LYSMD1: variants seen among roughly 807,000 people sequenced by gnomAD.
LYSMD1 encodes the protein LysM domain containing 1.
In LYSMD1, 9 loss-of-function variants were observed where a neutral mutation model predicts 19.3. The observed-to-expected ratio is 0.47, with a 90% CI of 0.28 to 0.81. LYSMD1 has a LOEUF of 0.81. Ranked by LOEUF, LYSMD1 falls within the 40% of genes least tolerant of loss-of-function variation. The pLI is 0.11. For missense variants in LYSMD1, 262 were observed against 279.8 expected (o/e 0.94, Z 0.45); for synonymous variants, 111 against 111.7 (o/e 0.99, Z 0.04).
rs376097254 is a variant in LYSMD1, at chr1:151,160,853, C to A, written c.*29G>T. 1.4e-5 allele frequency: 22 copies of A among 1,595,692 alleles called. No individual in the cohort carries two copies. In the African/African-American group the frequency reaches 2.7e-4, roughly 19 times the overall value. ...CCCCCTGAAGTTTCTCTTTCAACAT[C>A]TTGCTTCTCTCAGTCAGTTCTGGGG... On this transcript the variant is annotated 3_prime_UTR_variant, in exon 3 of 3. Transcript: ENST00000368908.
chr1:151,160,132 G>A lies in LYSMD1; in HGVS notation c.*750C>T, dbSNP rs983295994. ...CAGAAGGGTGAACTGGTAGAATGGAGAGTTCAGGTCCCTACAGTGCTGCTT... is the reference window on the plus strand; with the variant it reads ...CAGAAGGGTGAACTGGTAGAATGGAAAGTTCAGGTCCCTACAGTGCTGCTT... On this transcript the variant is annotated 3_prime_UTR_variant, in exon 3 of 3. Transcript: ENST00000368908. The A allele has an allele frequency of 2.0e-5, 3 of 149,792 alleles. No individual in the cohort carries two copies. The highest frequency in any genetic ancestry group is 7.4e-5 in the African/African-American group (3 of 40,494). The allele number at this position is 149,792 out of a possible 1,614,324, so 9.3% of individuals were successfully genotyped here.
intron 2 of LYSMD1, 97 bp from the exon 3 acceptor site, chr1:151,161,117 T>C: frequency 7.3e-7 from 1 of 1,371,950 alleles, no homozygotes; most frequent in Middle Eastern, 2.4e-4. Flanking sequence ...TTCTAATACA[T>C]AAGCTGGTTG....
At chr1:151,159,742 A>T, downstream of LYSMD1, 6 of 179,000 alleles carry the variant, frequency 3.4e-5, no homozygotes, top group East Asian at 1.7e-4. Flanking sequence ...TAAAACTACT[A>T]AAATATGCAC....
At chr1:151,150,926 A>T in the LYSMD1 span, among the ~76,000 whole-genome samples, 1 of 151,172 alleles carries the variant, frequency 6.6e-6, no homozygotes, top group Non-Finnish European at 1.5e-5. Flanking sequence ...TTTAGTAGAG[A>T]CAGGGTTTCG....
the LYSMD1 span, among the ~76,000 whole-genome samples, chr1:151,150,277 A>C: frequency 6.6e-6 from 1 of 152,248 alleles, no homozygotes; most frequent in East Asian, 1.9e-4. Context: ...TTTTCTACTG[A>C]TATTTTCCCC....
the LYSMD1 span, among the ~76,000 whole-genome samples, chr1:151,149,221 A>AT: frequency 6.6e-6 from 1 of 151,686 alleles, no homozygotes; most frequent in African/African-American, 2.4e-5. Flanking sequence ...GAGAAACTCC[A>AT]GCTCTGCTAA....
intron 1 of LYSMD1, among the ~76,000 whole-genome samples, chr1:151,164,496 GACCTGAAAT>G (rs1292105020): frequency 1.3e-5 from 2 of 152,152 alleles, no homozygotes; most frequent in African/African-American, 4.8e-5. Context: ...CCCCATGCAT[GACCTGAAAT>G]ACTTGGTGTA....
chr1:151,162,179 CAG>C, intron 1 of LYSMD1, 79 bp from the exon 2 acceptor site: 2 of 1,350,264 alleles, frequency 1.5e-6, no homozygotes, highest in Non-Finnish European at 2.0e-6. Flanking sequence ...AGTGACTGTA[CAG>C]AGTCTTCTTT....
Position 151,165,897 on chromosome 1 carries a change from G to C in LYSMD1, c.-639C>G. On this transcript the variant is annotated 5_prime_UTR_variant, in exon 1 of 3. Coordinates refer to ENST00000368908, the MANE Select transcript of LYSMD1 (RefSeq NM_212551.5). ...TCCAGTTGAGCGGCAAGGTCTTTGA[G>C]AAAAGACTTCATTTCCCAAAAGGCT... 2.1e-6 allele frequency: 2 copies of C among 962,740 alleles called. No individual in the cohort carries two copies. Among genetic ancestry groups the C allele is most frequent in the Non-Finnish European group, 3.2e-6 (2 of 617,748 alleles). 59.6% of individuals were successfully genotyped at this position (962,740 alleles called of 1,614,324 possible). A position where few individuals can be genotyped will look rare whatever the true frequency, so the allele number is the denominator to read the frequency against.
At chr1:151,164,580 C>A (rs990775244) in intron 1 of LYSMD1, among the ~76,000 whole-genome samples, 1 of 152,154 alleles carries the variant, frequency 6.6e-6, no homozygotes, top group Admixed American at 6.5e-5. Context: ...GAGGAGGAAC[C>A]AAGAGCAAGG....
chr1:151,162,116 C>T lies in LYSMD1; in HGVS notation c.181-16G>A, dbSNP rs763969363. 1.3e-6 allele frequency: 2 copies of T among 1,569,236 alleles called. No homozygotes were observed. The highest frequency in any genetic ancestry group is 4.2e-5 in the Admixed American group (2 of 47,856). On this transcript the variant is annotated splice_polypyrimidine_tract_variant and intron_variant, in intron 1 of 2. Transcript: ENST00000368908. The stretch of plus-strand genomic sequence containing the variant: ...TCTGTTCCATCTTAAAAAAAAAAGT[C>T]ACCAAAATTAAGGACAGTAATAATG...
chr1:151,151,283 G>C, the LYSMD1 span, among the ~76,000 whole-genome samples: 1 of 150,984 alleles, frequency 6.6e-6, no homozygotes, highest in Non-Finnish European at 1.5e-5. Flanking sequence ...TCCGCCTCCC[G>C]GGTTCACACC....
downstream of LYSMD1, chr1:151,158,870 G>T: frequency 6.2e-7 from 1 of 1,614,206 alleles, no homozygotes; most frequent in Non-Finnish European, 8.5e-7. Context: ...CAGGCCCAGC[G>T]CGTGATCAAG....
At chr1:151,153,966 A>G in the LYSMD1 span, among the ~76,000 whole-genome samples, 1 of 152,004 alleles carries the variant, frequency 6.6e-6, no homozygotes, top group Non-Finnish European at 1.5e-5. Context: ...TGAAGAAAAA[A>G]AAAAAAATGA....
At chr1:151,158,681 C>T, downstream of LYSMD1, 1 of 1,557,722 alleles carries the variant, frequency 6.4e-7, no homozygotes, top group South Asian at 1.2e-5. Flanking sequence ...GACCACATAC[C>T]CCACTCTCCA....
the LYSMD1 span, among the ~76,000 whole-genome samples, chr1:151,150,443 G>A: frequency 6.6e-6 from 1 of 152,064 alleles, no homozygotes; most frequent in African/African-American, 2.4e-5. Flanking sequence ...CCATTTTCAT[G>A]ATTCTCATTC....
At chr1:151,158,765 G>A (rs1367507585), downstream of LYSMD1, 1 of 1,613,784 alleles carries the variant, frequency 6.2e-7, no homozygotes, top group South Asian at 1.1e-5. Context: ...AAGATGGCGG[G>A]TCGCTCTGTG....
At position 151,162,038 on chromosome 1, in the gene LYSMD1, G is replaced by A; in HGVS notation, c.243C>T (p.Thr81=). The change falls in exon 2 of 3, where the codon ACC becomes ACT. Residue 81 remains threonine, a synonymous_variant. Transcript: ENST00000368908. ...YTNDSIFLKK[T]LYIPILTEPR... ...GCTCTGTCAGGATGGGGATGTAGAG[G>A]GTTTTCTTCAGGAAGATGGAGTCAT... 2 of 1,612,706 alleles carry A rather than the reference G, an allele frequency of 1.2e-6. No homozygotes were observed. Among genetic ancestry groups the A allele is most frequent in the South Asian group, 1.1e-5 (1 of 90,812 alleles).
chr1:151,155,716 A>AAAAAC (rs1263013473), downstream of LYSMD1, among the ~76,000 whole-genome samples: 13 of 152,130 alleles, frequency 8.5e-5, no homozygotes, highest in Admixed American at 8.5e-4. Context: ...ACCCTATCTC[A>AAAAAC]AAAACAAAAC....
Sources: gnomAD v4.1 joint callset for allele counts (sites outside exome capture counted in the v4.1 genomes callset) on GRCh38, gnomAD v4.1.1 for gene constraint, MANE v1.5 for transcripts, NCBI Gene and HGNC (gene_info 2026-07-23, HGNC 2026-07-21) for gene names.